The following JAK1 variants were observed in gnomAD, a reference collection of about 807,000 sequenced individuals.
The protein encoded by JAK1 is tyrosine-protein kinase JAK1.
JAK1 carries 16 observed loss-of-function variants against 136.6 expected under a neutral mutation model. The observed-to-expected ratio is 0.12, with a 90% CI of 0.08 to 0.18. The LOEUF (loss-of-function observed/expected upper bound fraction) is 0.18. Among genes scored for constraint, JAK1 ranks in the 10% least tolerant of loss-of-function variants. JAK1 has a pLI of 1.00. For missense variants in JAK1, 859 were observed against 1,450.1 expected, an observed-to-expected ratio of 0.59 and a Z score of 6.62; for synonymous variants, 492 against 519.5, an observed-to-expected ratio of 0.95 and a Z score of 0.72.
chr1:65,006,739 C>G (rs1461193469), intron 2 of JAK1, among the ~76,000 whole-genome samples: 1 of 152,122 alleles, frequency 6.6e-6, no homozygotes, highest in African/African-American at 2.4e-5. Flanking sequence ...CAGGTACTTA[C>G]CATATTAGCT....
Position 64,902,551 on chromosome 1 carries a change from TGAGA to T in JAK1, c.-77-16214_-77-16211del, listed in dbSNP as rs142393341. ...CATGGTGCCTTTACTCATGAATTTGTGAGAGAGAGAGAGAGAGAGAGAGAGAGAG... is the reference window on the plus strand; with the variant it reads ...CATGGTGCCTTTACTCATGAATTTGTGAGAGAGAGAGAGAGAGAGAGAGAG... On this transcript the variant is annotated intron_variant, in intron 1 of 24. Coordinates refer to ENST00000342505, the MANE Select transcript of JAK1 (RefSeq NM_002227.4). Among the ~76,000 whole-genome samples the T allele has an allele frequency of 4.8e-3, 488 of 102,410 alleles. 2 individuals are homozygous for T. The highest frequency in any genetic ancestry group is 0.022 in the African/African-American group (462 of 21,430). 67.2% of individuals were successfully genotyped at this position (102,410 alleles called of 152,430 possible). A position where few individuals can be genotyped will look rare whatever the true frequency, so the allele number is the denominator to read the frequency against.
At chr1:65,063,869 A>G (rs1004931478) in intron 1 of JAK1, among the ~76,000 whole-genome samples, 1 of 151,982 alleles carries the variant, frequency 6.6e-6, no homozygotes, top group Admixed American at 6.6e-5. Context: ...AAAAGGAGTA[A>G]TGCAGGCCTG....
chr1:65,029,088 A>G (rs944352859), intron 2 of JAK1, among the ~76,000 whole-genome samples: 3 of 151,936 alleles, frequency 2.0e-5, no homozygotes, highest in African/African-American at 7.3e-5. Flanking sequence ...AATAGTGGGT[A>G]TTTATTTTTC....
At chr1:65,023,934 A>G (rs1338063984) in intron 2 of JAK1, among the ~76,000 whole-genome samples, 1 of 115,414 alleles carries the variant, frequency 8.7e-6, no homozygotes, top group East Asian at 2.5e-4. Context: ...TTTTTTTTGC[A>G]TGTACCAGTG....
chr1:64,837,111 C>A (rs533558530), intron 22 of JAK1, among the ~76,000 whole-genome samples: 3 of 152,172 alleles, frequency 2.0e-5, no homozygotes, highest in Admixed American at 6.5e-5. Flanking sequence ...TGAATACTCA[C>A]GACTTCCAGA....
At chr1:65,032,439 G>A (rs193028519) in intron 2 of JAK1, among the ~76,000 whole-genome samples, 1 of 152,076 alleles carries the variant, frequency 6.6e-6, no homozygotes, top group Non-Finnish European at 1.5e-5. Flanking sequence ...TGTTTACAGC[G>A]AGCCCTTTTG....
chr1:64,928,870 A>C (rs1214224101), intron 1 of JAK1, among the ~76,000 whole-genome samples: 1 of 150,702 alleles, frequency 6.6e-6, no homozygotes, highest in Non-Finnish European at 1.5e-5. Context: ...TTTAGAGATT[A>C]TAATAAACTC....
At chr1:64,861,530 C>T (rs559933676) in intron 8 of JAK1, among the ~76,000 whole-genome samples, 5 of 152,176 alleles carry the variant, frequency 3.3e-5, no homozygotes, top group South Asian at 4.1e-4. Context: ...GGAAGGTATG[C>T]AAAAGCCATG....
chr1:64,922,691 A>C (rs1048549328), intron 1 of JAK1, among the ~76,000 whole-genome samples: 9 of 152,200 alleles, frequency 5.9e-5, no homozygotes, highest in Non-Finnish European at 1.2e-4. Context: ...TTAAATCTCC[A>C]AGTCTCGGCC....
Position 64,993,835 on chromosome 1 carries a change from T to A in JAK1, c.-78+50645A>T, listed in dbSNP as rs187888429. On this transcript the variant is annotated intron_variant, in intron 2 of 25. Coordinates refer to the JAK1 transcript ENST00000671954. ...TAATTTTTGTATTTTTCAGTAGAGA[T>A]GGGGTTTCGCCATGTTGGCCAGGCT... Among the ~76,000 whole-genome samples, 591 of 152,172 alleles carry A rather than the reference T, an allele frequency of 3.9e-3. 5 individuals are homozygous for A. The highest frequency in any genetic ancestry group is 0.011 in the African/African-American group (467 of 41,542).
intron 1 of JAK1, among the ~76,000 whole-genome samples, chr1:64,902,583 A>AGAGTGTGTGT: frequency 0.038 from 2,822 of 73,826 alleles, 68 homozygotes; most frequent in Non-Finnish European, 0.044. Context: ...AGAGAGAGAG[A>AGAGTGTGTGT]GTGTGTGTGT....
chr1:64,933,685 A>C (rs1443097970), intron 1 of JAK1, among the ~76,000 whole-genome samples: 1 of 152,140 alleles, frequency 6.6e-6, no homozygotes, highest in Non-Finnish European at 1.5e-5. Flanking sequence ...GCCAGAATTC[A>C]CTTCAAAGGA....
intron 17 of JAK1, among the ~76,000 whole-genome samples, chr1:64,842,623 A>T (rs565141857): frequency 6.6e-6 from 1 of 152,140 alleles, no homozygotes. Flanking sequence ...AGAGACCCCT[A>T]TTTTATTAAA....
intron 4 of JAK1, chr1:64,876,180 G>A (rs1256092678): frequency 6.6e-6 from 1 of 152,236 alleles, no homozygotes; most frequent in Admixed American, 6.5e-5. Flanking sequence ...CAGGGGAGGT[G>A]GCAGGAGGGG....
chr1:65,061,786 C>G (rs754496270), intron 1 of JAK1, among the ~76,000 whole-genome samples: 1 of 152,158 alleles, frequency 6.6e-6, no homozygotes, highest in Non-Finnish European at 1.5e-5. Flanking sequence ...CTTTGCTATA[C>G]TGAGTTTTTA....
chr1:64,988,424 CA>C (rs1223977689), intron 2 of JAK1, among the ~76,000 whole-genome samples: 2 of 152,076 alleles, frequency 1.3e-5, no homozygotes, highest in Non-Finnish European at 2.9e-5. Context: ...TTTAAGATTT[CA>C]AACTCTACTT....
In JAK1 at chr1:64,886,280, G is replaced by A; in HGVS notation, c.-16C>T. ...ATACCTGCATTTATTCAGCTGTCCAGTGTTCTCCAAGAAGCAAACTGGATT... is the reference window on the plus strand; with the variant it reads ...ATACCTGCATTTATTCAGCTGTCCAATGTTCTCCAAGAAGCAAACTGGATT... On this transcript the variant is annotated 5_prime_UTR_variant, in exon 2 of 25. Transcript: ENST00000342505. The A allele has an allele frequency of 1.3e-6, 2 of 1,596,592 alleles. No homozygotes were observed. The highest frequency in any genetic ancestry group is 1.7e-6 in the Non-Finnish European group (2 of 1,172,612).
intron 2 of JAK1, among the ~76,000 whole-genome samples, chr1:65,035,023 T>C (rs1220680217): frequency 6.6e-6 from 1 of 151,960 alleles, no homozygotes; most frequent in Non-Finnish European, 1.5e-5. Flanking sequence ...ACCATTGCAC[T>C]CCAGCTTGGG....
intron 1 of JAK1, among the ~76,000 whole-genome samples, chr1:64,888,338 C>T (rs779122351): frequency 3.3e-5 from 5 of 152,144 alleles, no homozygotes; most frequent in Non-Finnish European, 7.4e-5. Flanking sequence ...TGCGCCACTA[C>T]GTCCAGCTAT....
Sources: gnomAD v4.1 joint callset for allele counts (sites outside exome capture counted in the v4.1 genomes callset) on GRCh38, gnomAD v4.1.1 for gene constraint, MANE v1.5 for transcripts, NCBI Gene and HGNC (gene_info 2026-07-23, HGNC 2026-07-21) for gene names.